Variants in NEK7 observed in about 807,000 individuals in gnomAD.
NEK7 encodes the protein NIMA related kinase 7.
A neutral mutation model predicts 44.6 loss-of-function variants in NEK7; 18 were observed. That is an observed-to-expected ratio of 0.40 (90% CI 0.28 to 0.60). The LOEUF (loss-of-function observed/expected upper bound fraction) is 0.60, where lower values mean the gene tolerates loss of function less well. Ranked by LOEUF, NEK7 falls within the 20% of genes least tolerant of loss-of-function variation. The pLI is 0.38. For synonymous variants in NEK7, 130 were observed against 121.1 expected (o/e 1.07, Z -0.48); for missense variants, 256 against 366.5 (o/e 0.70, Z 2.46).
intron 9 of NEK7, among the ~76,000 whole-genome samples, chr1:198,308,239 T>C (rs182148091): frequency 1.8e-3 from 280 of 152,278 alleles, no homozygotes; most frequent in Middle Eastern, 0.017. Flanking sequence ...TTAATATAGG[T>C]TACAACTTTT....
chr1:198,166,669 T>C (rs1664277958), intron 1 of NEK7, among the ~76,000 whole-genome samples: 1 of 152,204 alleles, frequency 6.6e-6, no homozygotes, highest in Non-Finnish European at 1.5e-5. Context: ...TCACACACCA[T>C]GTATCGTTAA....
intron 9 of NEK7, among the ~76,000 whole-genome samples, chr1:198,309,824 A>G (rs1294518723): frequency 1.3e-5 from 2 of 152,056 alleles, no homozygotes; most frequent in Non-Finnish European, 2.9e-5. Flanking sequence ...GTGCCACATT[A>G]TCTTAATCCA....
intron 4 of NEK7, among the ~76,000 whole-genome samples, chr1:198,262,901 G>C (rs756353551): frequency 6.6e-6 from 1 of 151,530 alleles, no homozygotes; most frequent in African/African-American, 2.4e-5. Context: ...ATAAAACATT[G>C]AAGAATTTTT....
At chr1:198,227,770 C>A (rs1207112521) in intron 1 of NEK7, among the ~76,000 whole-genome samples, 3 of 152,100 alleles carry the variant, frequency 2.0e-5, no homozygotes, top group East Asian at 1.9e-4. Flanking sequence ...GGATATTAGC[C>A]CTTTGTCAGA....
At chr1:198,291,699 C>G (rs1278412480) in intron 7 of NEK7, among the ~76,000 whole-genome samples, 1 of 151,814 alleles carries the variant, frequency 6.6e-6, no homozygotes, top group Non-Finnish European at 1.5e-5. Context: ...TCCAGTCTGA[C>G]TAGGGCTATC....
chr1:198,197,653 G>T, intron 1 of NEK7: 3 of 360,634 alleles, frequency 8.3e-6, no homozygotes, highest in South Asian at 8.1e-5. Flanking sequence ...GAACAGCAGG[G>T]TTAGGCTCAG....
chr1:198,169,067 A>G (rs1337983557), intron 1 of NEK7, among the ~76,000 whole-genome samples: 1 of 152,220 alleles, frequency 6.6e-6, no homozygotes, highest in East Asian at 1.9e-4. Context: ...TGCATAATTT[A>G]TAGTTTAAAA....
At chr1:198,233,613 G>C (rs1329488078) in intron 2 of NEK7, among the ~76,000 whole-genome samples, 5 of 152,142 alleles carry the variant, frequency 3.3e-5, no homozygotes, top group Non-Finnish European at 7.3e-5. Flanking sequence ...ATAGGTTTGA[G>C]AGACTTGGGG....
intron 9 of NEK7, among the ~76,000 whole-genome samples, chr1:198,302,513 A>T (rs1654918949): frequency 6.6e-6 from 1 of 152,096 alleles, no homozygotes; most frequent in South Asian, 2.1e-4. Context: ...TATTGTTGAA[A>T]CAAGAAAAGT....
At chr1:198,192,332 T>C (rs1458872955) in intron 1 of NEK7, among the ~76,000 whole-genome samples, 1 of 145,850 alleles carries the variant, frequency 6.9e-6, no homozygotes, top group Non-Finnish European at 1.5e-5. Context: ...TTTTTATTAA[T>C]TTTTTTTTTT....
chr1:198,194,320 G>A (rs1464262588), intron 1 of NEK7, among the ~76,000 whole-genome samples: 1 of 150,012 alleles, frequency 6.7e-6, no homozygotes, highest in Non-Finnish European at 1.5e-5. Flanking sequence ...TTTAAGTTCG[G>A]GGCATGTGGC....
intron 1 of NEK7, among the ~76,000 whole-genome samples, chr1:198,175,225 T>A (rs1416463794): frequency 6.6e-6 from 1 of 152,218 alleles, no homozygotes; most frequent in Non-Finnish European, 1.5e-5. Flanking sequence ...AGTTGATAAG[T>A]CTTTCTATAA....
chr1:198,222,739 G>A (rs1235330505), intron 1 of NEK7, among the ~76,000 whole-genome samples: 1 of 152,092 alleles, frequency 6.6e-6, no homozygotes, highest in African/African-American at 2.4e-5. Context: ...GATGAATACA[G>A]CAGGGAACAA....
intron 7 of NEK7, among the ~76,000 whole-genome samples, chr1:198,282,759 T>C (rs1348772275): frequency 6.6e-6 from 1 of 152,110 alleles, no homozygotes; most frequent in African/African-American, 2.4e-5. Context: ...CAGGTACAAT[T>C]TATTTATTCT....
chr1:198,251,576 A>G (rs909988571), intron 2 of NEK7, among the ~76,000 whole-genome samples: 2 of 152,104 alleles, frequency 1.3e-5, no homozygotes, highest in African/African-American at 4.8e-5. Context: ...TTATTCAGAG[A>G]TTCAACTTCT....
chr1:198,245,824 A>T (rs577002944), intron 2 of NEK7, among the ~76,000 whole-genome samples: 8 of 152,302 alleles, frequency 5.3e-5, no homozygotes, highest in African/African-American at 1.9e-4. Flanking sequence ...AAGGAACTTC[A>T]AGAAACTGAG....
At chr1:198,210,088 C>T (rs563052008) in intron 1 of NEK7, among the ~76,000 whole-genome samples, 1 of 152,070 alleles carries the variant, frequency 6.6e-6, no homozygotes, top group Admixed American at 6.5e-5. Context: ...GTGAACACTG[C>T]GTCTGGCCTA....
At chr1:198,317,771 T>C (rs1041407765) in intron 9 of NEK7, among the ~76,000 whole-genome samples, 1 of 152,116 alleles carries the variant, frequency 6.6e-6, no homozygotes, top group Admixed American at 6.6e-5. Context: ...AAAGAAAATA[T>C]CTGACAGCTA....
intron 3 of NEK7, chr1:198,256,231 TTTTTAAG>T (rs1653258721): frequency 7.3e-7 from 1 of 1,372,634 alleles, no homozygotes; most frequent in Non-Finnish European, 9.6e-7. Context: ...CTCAGCTTAG[TTTTTAAG>T]GCCCTTCCCT....
Sources: allele counts gnomAD v4.1 joint callset (sites outside exome capture counted in the v4.1 genomes callset), GRCh38; gene constraint gnomAD v4.1.1; transcripts MANE v1.5; gene names NCBI Gene and HGNC (gene_info 2026-07-23, HGNC 2026-07-21).